Variants in TUT4 observed in about 807,000 individuals in gnomAD.
TUT4 encodes the protein terminal uridylyl transferase 4, also known as terminal uridylyltransferase 4.
In TUT4, 36 loss-of-function variants were observed where a neutral mutation model predicts 192.2. The observed-to-expected ratio is 0.19, with a 90% CI of 0.14 to 0.25. The LOEUF is 0.25. TUT4 is among the 10% of genes least tolerant of loss of function. TUT4 has a pLI of 1.00. For missense variants in TUT4, 1,493 were observed against 1,957.2 expected (o/e 0.76, Z 4.47); for synonymous variants, 618 against 666.0 (o/e 0.93, Z 1.11).
At chr1:52,461,260 T>A (rs1662461002) in intron 18 of TUT4, 37 bp from the exon 19 acceptor site, 1 of 1,548,976 alleles carries the variant, frequency 6.5e-7, no homozygotes, top group Non-Finnish European at 8.8e-7. Context: ...GATTTCAAAT[T>A]TCGTAAAATT....
At chr1:52,429,655 G>C (rs1557624337) in intron 28 of TUT4, among the ~76,000 whole-genome samples, 1 of 151,318 alleles carries the variant, frequency 6.6e-6, no homozygotes, top group Non-Finnish European at 1.5e-5. Flanking sequence ...GCAATGGCAT[G>C]ATCTCAACTC....
chr1:52,537,607 G>T (rs770332417), intron 1 of TUT4, among the ~76,000 whole-genome samples: 1 of 152,122 alleles, frequency 6.6e-6, no homozygotes, highest in Non-Finnish European at 1.5e-5. Context: ...GAGGATTTGT[G>T]TAACACTATA....
intron 1 of TUT4, among the ~76,000 whole-genome samples, chr1:52,531,709 T>C (rs1170399568): frequency 2.0e-5 from 3 of 152,058 alleles, no homozygotes; most frequent in Non-Finnish European, 4.4e-5. Flanking sequence ...AACTAGGAAA[T>C]GTCTCTCTTT....
Position 52,468,279 on chromosome 1 carries a change from A to C in TUT4, c.2879-12T>G. The C allele has an allele frequency of 1.3e-6, 2 of 1,546,484 alleles. No homozygotes were observed. The highest frequency in any genetic ancestry group is 1.7e-6 in the Non-Finnish European group (2 of 1,149,000). On this transcript the variant is annotated splice_polypyrimidine_tract_variant and intron_variant, in intron 14 of 29. Coordinates refer to ENST00000257177, the MANE Select transcript of TUT4 (RefSeq NM_001009881.3). ...TGGTGATAACTCATCTGGGTTTATA[A>C]AAAGAAGAAAAAAGGAAAAAGAAAA... is the stretch of plus-strand genomic sequence containing the variant.
rs554611473 is a variant in TUT4 at position 52,428,513 on chromosome 1, C to T, written c.4711+2500G>A. Among the ~76,000 whole-genome samples, 3 of 151,684 alleles carry T rather than the reference C, an allele frequency of 2.0e-5. No individual in the cohort carries two copies. The East Asian group carries it at 5.8e-4, about 29-fold the overall frequency. ...TGGTGGCAGGCGCCTCTAATCCCAGCTACTTGGGAGGCTGAGGCAGGAGAA... is the reference window on the plus strand; with the variant it reads ...TGGTGGCAGGCGCCTCTAATCCCAGTTACTTGGGAGGCTGAGGCAGGAGAA... On this transcript the variant is annotated intron_variant, in intron 28 of 29. Coordinates refer to ENST00000257177, the MANE Select transcript of TUT4 (RefSeq NM_001009881.3).
intron 11 of TUT4, among the ~76,000 whole-genome samples, chr1:52,479,712 C>T (rs964949371): frequency 2.0e-5 from 3 of 152,096 alleles, no homozygotes; most frequent in Admixed American, 2.0e-4. Context: ...ATCTATTAGA[C>T]GGCCGGGCGC....
chr1:52,530,922 G>A (rs1438196758), intron 1 of TUT4, among the ~76,000 whole-genome samples: 2 of 152,126 alleles, frequency 1.3e-5, no homozygotes, highest in Non-Finnish European at 2.9e-5. Flanking sequence ...AGGATGGCTT[G>A]AGCCCAGGAG....
intron 13 of TUT4, among the ~76,000 whole-genome samples, chr1:52,474,458 G>C (rs1239614959): frequency 6.6e-6 from 1 of 152,014 alleles, no homozygotes; most frequent in Non-Finnish European, 1.5e-5. Context: ...TTTATTTTGG[G>C]GGGGGAAGAA....
At chr1:52,502,368 T>C (rs941058417) in intron 4 of TUT4, among the ~76,000 whole-genome samples, 6 of 152,130 alleles carry the variant, frequency 3.9e-5, no homozygotes, top group Admixed American at 1.3e-4. Context: ...TTGTCCCCTA[T>C]GTGTATCCAC....
intron 4 of TUT4, among the ~76,000 whole-genome samples, chr1:52,507,851 C>A (rs907398281): frequency 1.1e-4 from 16 of 152,162 alleles, no homozygotes; most frequent in Non-Finnish European, 2.2e-4. Context: ...CGCTCCCTCG[C>A]CCAGACTAAA....
intron 20 of TUT4, 102 bp downstream of exon 20, chr1:52,458,234 G>A (rs940646783): frequency 1.4e-6 from 1 of 707,578 alleles, no homozygotes; most frequent in South Asian, 2.7e-5. Context: ...GGACAACCAT[G>A]ATGGAAAAAT....
At chr1:52,488,851 G>A in intron 9 of TUT4, 58 bp downstream of exon 9, 1 of 1,527,522 alleles carries the variant, frequency 6.5e-7, no homozygotes, top group Non-Finnish European at 8.8e-7. Flanking sequence ...TAATTTTGAA[G>A]ATTAAATACA....
intron 1 of TUT4, among the ~76,000 whole-genome samples, chr1:52,536,961 C>A (rs573298971): frequency 6.6e-6 from 1 of 152,150 alleles, no homozygotes; most frequent in African/African-American, 2.4e-5. Context: ...GTCAGGAGAT[C>A]GAGACCACCC....
chr1:52,544,676 G>A (rs1470759508), intron 1 of TUT4, among the ~76,000 whole-genome samples: 1 of 152,124 alleles, frequency 6.6e-6, no homozygotes, highest in Non-Finnish European at 1.5e-5. Context: ...GACACCAAAG[G>A]CACGGGCAAC....
chr1:52,509,746 C>A, intron 3 of TUT4, 34 bp from the exon 4 acceptor site: 1 of 1,235,156 alleles, frequency 8.1e-7, no homozygotes, highest in South Asian at 1.2e-5. Flanking sequence ...GCACTTTATT[C>A]AGAAAACAGA....
At chr1:52,544,601 C>T (rs1007103789) in intron 1 of TUT4, among the ~76,000 whole-genome samples, 1 of 152,106 alleles carries the variant, frequency 6.6e-6, no homozygotes, top group African/African-American at 2.4e-5. Flanking sequence ...AACTATAAGG[C>T]TCTTAGACGA....
intron 18 of TUT4, 144 bp downstream of exon 18, chr1:52,461,369 C>A (rs1383838221): frequency 1.8e-6 from 2 of 1,100,358 alleles, no homozygotes; most frequent in Admixed American, 5.6e-5. Context: ...AAAAACTGAC[C>A]TTCAATCTGA....
In TUT4 at chr1:52,544,061, G is replaced by A. The variant is rs181518333; in HGVS notation, c.-94+8870C>T. On this transcript the variant is annotated intron_variant, in intron 1 of 29. Coordinates refer to ENST00000257177, the MANE Select transcript of TUT4 (RefSeq NM_001009881.3). ...CCCAGCACTTCGGGAGGCCGAGGCA[G>A]GCAGATCACAAGGTCAGGAGATGAG... Among the ~76,000 whole-genome samples, 1,049 of 151,848 alleles carry A rather than the reference G, an allele frequency of 6.9e-3. 13 individuals carry two copies. The highest frequency in any genetic ancestry group is 0.024 in the African/African-American group (987 of 41,504).
intron 24 of TUT4, among the ~76,000 whole-genome samples, chr1:52,443,777 A>G (rs1040469542): frequency 6.6e-6 from 1 of 152,060 alleles, no homozygotes; most frequent in African/African-American, 2.4e-5. Flanking sequence ...AAACAAAAAT[A>G]AACAAAAAGG....
Sources: gnomAD v4.1 joint callset for allele counts (sites outside exome capture counted in the v4.1 genomes callset) on GRCh38, gnomAD v4.1.1 for gene constraint, MANE v1.5 for transcripts, NCBI Gene and HGNC (gene_info 2026-07-23, HGNC 2026-07-21) for gene names.